TENM3: variants seen among roughly 807,000 people sequenced by gnomAD.
The protein encoded by TENM3 is teneurin-3.
TENM3 carries 63 observed loss-of-function variants against 255.1 expected under a neutral mutation model. The observed-to-expected ratio is 0.25, with a 90% confidence interval of 0.20 to 0.30. TENM3 has a LOEUF of 0.30. Ranked by LOEUF, TENM3 falls within the 10% of genes least tolerant of loss-of-function variation. TENM3 has a pLI of 1.00. For missense variants in TENM3, 2,929 were observed against 3,461.1 expected, an observed-to-expected ratio of 0.85 and a Z score of 3.86; for synonymous variants, 1,306 against 1,322.3, an observed-to-expected ratio of 0.99 and a Z score of 0.27.
the TENM3 span, among the ~76,000 whole-genome samples, chr4:181,521,934 T>TA: frequency 4.0e-5 from 6 of 149,802 alleles, no homozygotes; most frequent in Admixed American, 6.7e-5. Flanking sequence ...GTCTCTAATT[T>TA]AAAAAAAAAA....
the TENM3 span, among the ~76,000 whole-genome samples, chr4:181,873,791 A>G: frequency 6.7e-6 from 1 of 149,582 alleles, no homozygotes; most frequent in African/African-American, 2.5e-5. Flanking sequence ...TTTTGTGTTT[A>G]TTTGTTTGTT....
chr4:182,564,752 C>T (rs1346911109), intron 3 of TENM3, among the ~76,000 whole-genome samples: 1 of 152,114 alleles, frequency 6.6e-6, no homozygotes, highest in East Asian at 1.9e-4. Context: ...CAATACGTGT[C>T]CTCCATCTGG....
At chr4:182,418,778 G>T (rs1219457058) in intron 3 of TENM3, among the ~76,000 whole-genome samples, 1 of 152,060 alleles carries the variant, frequency 6.6e-6, no homozygotes, top group African/African-American at 2.4e-5. Flanking sequence ...GCCCAGGCTG[G>T]TCTTGAACCC....
intron 3 of TENM3, among the ~76,000 whole-genome samples, chr4:182,496,427 C>T (rs942472152): frequency 7.9e-5 from 12 of 152,052 alleles, no homozygotes; most frequent in Non-Finnish European, 7.4e-5. Context: ...TAAACTGGAA[C>T]GGCATTTCCC....
At chr4:181,851,136 C>A in the TENM3 span, among the ~76,000 whole-genome samples, 1 of 152,150 alleles carries the variant, frequency 6.6e-6, no homozygotes, top group South Asian at 2.1e-4. Context: ...ACTACAAGAC[C>A]CCCTTATTTC....
At chr4:181,737,594 A>G in the TENM3 span, among the ~76,000 whole-genome samples, 1 of 152,106 alleles carries the variant, frequency 6.6e-6, no homozygotes, top group Non-Finnish European at 1.5e-5. Context: ...TTTCTCCTTT[A>G]AAAATAACTG....
intron 26 of TENM3, among the ~76,000 whole-genome samples, chr4:182,794,998 G>A (rs964907210): frequency 3.3e-5 from 5 of 151,546 alleles, no homozygotes; most frequent in African/African-American, 1.2e-4. Context: ...TTTGGCTTGT[G>A]TTAGATGCTC....
At chr4:182,015,239 C>T in the TENM3 span, among the ~76,000 whole-genome samples, 9 of 152,220 alleles carry the variant, frequency 5.9e-5, no homozygotes, top group African/African-American at 2.2e-4. Flanking sequence ...CCACCAGCTG[C>T]CTGCCCTGCT....
chr4:182,531,129 A>G (rs948445059), intron 3 of TENM3, among the ~76,000 whole-genome samples: 1 of 152,202 alleles, frequency 6.6e-6, no homozygotes, highest in African/African-American at 2.4e-5. Flanking sequence ...GAAGAAATCA[A>G]GGAGCCTGTG....
chr4:182,266,626 G>T (rs1002297963), intron 1 of TENM3, among the ~76,000 whole-genome samples: 1 of 152,064 alleles, frequency 6.6e-6, no homozygotes, highest in Non-Finnish European at 1.5e-5. Context: ...GGTTTAACAT[G>T]AATAGTACAT....
the TENM3 span, among the ~76,000 whole-genome samples, chr4:181,852,578 T>C: frequency 1.3e-5 from 2 of 152,238 alleles, no homozygotes; most frequent in Admixed American, 6.5e-5. Context: ...TTGTAATACA[T>C]AGCCTTCTCT....
the TENM3 span, among the ~76,000 whole-genome samples, chr4:181,789,449 G>A: frequency 6.6e-6 from 1 of 151,766 alleles, no homozygotes; most frequent in African/African-American, 2.4e-5. Flanking sequence ...TAGAGATGGG[G>A]TTTTGCCATG....
At chr4:182,745,314 C>T (rs1029794445) in intron 19 of TENM3, among the ~76,000 whole-genome samples, 2 of 152,178 alleles carry the variant, frequency 1.3e-5, no homozygotes, top group African/African-American at 2.4e-5. Context: ...CTTCATCTCC[C>T]CAGGATACTG....
Position 182,600,911 on chromosome 4 carries a change from T to C in TENM3, c.512-13T>C. On this transcript the variant is annotated splice_polypyrimidine_tract_variant and intron_variant, in intron 3 of 27. Transcript: ENST00000511685. ...GAGTTCTCTTTCTTTTTTTTTTTTT[T>C]TTTTTTTTTCAGAGCAACCTGCAAG... 7.8e-7 allele frequency: 1 copy of C among 1,276,694 alleles called. No homozygotes were observed. Among genetic ancestry groups the C allele is most frequent in the Non-Finnish European group, 1.0e-6 (1 of 954,612 alleles). The allele number at this position is 1,276,694 out of a possible 1,614,324, so 79.1% of individuals were successfully genotyped here.
intron 6 of TENM3, among the ~76,000 whole-genome samples, chr4:182,654,395 A>G (rs1753579499): frequency 6.6e-6 from 1 of 152,220 alleles, no homozygotes; most frequent in Non-Finnish European, 1.5e-5. Context: ...AGATTTTGAA[A>G]TCAATTGGCT....
chr4:181,732,170 G>A, the TENM3 span, among the ~76,000 whole-genome samples: 1 of 152,168 alleles, frequency 6.6e-6, no homozygotes, highest in African/African-American at 2.4e-5. Flanking sequence ...GCAGTCATGG[G>A]TGATTGGCTG....
chr4:182,423,226 T>C (rs1412016048), intron 3 of TENM3, among the ~76,000 whole-genome samples: 1 of 152,124 alleles, frequency 6.6e-6, no homozygotes, highest in Non-Finnish European at 1.5e-5. Context: ...TTTTCGGAGG[T>C]CTGCTCAGGT....
the TENM3 span, among the ~76,000 whole-genome samples, chr4:181,757,628 G>T: frequency 6.6e-6 from 1 of 152,178 alleles, no homozygotes; most frequent in Non-Finnish European, 1.5e-5. Context: ...CGACACAGTA[G>T]TGTTTACAGG....
chr4:182,226,948 G>A (rs2063156025), intron 1 of TENM3, among the ~76,000 whole-genome samples: 1 of 152,100 alleles, frequency 6.6e-6, no homozygotes, highest in South Asian at 2.1e-4. Context: ...TGGTAGAGCT[G>A]CAACAGTGCC....
Sources: gnomAD v4.1 joint callset for allele counts (sites outside exome capture counted in the v4.1 genomes callset) on GRCh38, gnomAD v4.1.1 for gene constraint, MANE v1.5 for transcripts, NCBI Gene and HGNC (gene_info 2026-07-23, HGNC 2026-07-21) for gene names.